ACBD5: variants seen among roughly 807,000 people sequenced by gnomAD.
ACBD5 encodes the protein acyl-CoA binding domain containing 5, also known as acyl-CoA-binding domain-containing protein 5.
In ACBD5, 40 loss-of-function variants were observed where a neutral mutation model predicts 71.8. The ratio of observed to expected loss-of-function variants is 0.56; its 90% CI spans 0.43 to 0.72. The LOEUF (loss-of-function observed/expected upper bound fraction) is 0.72. Ranked by LOEUF, ACBD5 falls within the 30% of genes least tolerant of loss-of-function variation. The pLI is 0.00. For synonymous variants in ACBD5, 229 were observed against 218.6 expected (o/e 1.05, Z -0.42); for missense variants, 559 against 644.5 (o/e 0.87, Z 1.44).
At chr10:27,218,399 C>T (rs1178475375) in intron 6 of ACBD5, among the ~76,000 whole-genome samples, 2 of 152,144 alleles carry the variant, frequency 1.3e-5, no homozygotes, top group African/African-American at 4.8e-5. Context: ...GTTTCAGTTC[C>T]CTGTCAATCT....
At chr10:27,187,423 T>C (rs1408233526) in intron 13 of ACBD5, among the ~76,000 whole-genome samples, 1 of 152,242 alleles carries the variant, frequency 6.6e-6, no homozygotes, top group Non-Finnish European at 1.5e-5. Flanking sequence ...CCTTAATTTC[T>C]ATTGGTGCGT....
At position 27,205,183 on chromosome 10, in the gene ACBD5, T is replaced by TA; in HGVS notation, c.1455+14dup. ...ATGAAACCCTGGCATTTAAATTTTT[T>TA]AAAAAATGTCTTACCTGTGAGGTGG... On this transcript the variant is annotated intron_variant, in intron 11 of 12. Coordinates refer to ENST00000396271, the MANE Select transcript of ACBD5 (RefSeq NM_145698.5). The TA allele has an allele frequency of 1.9e-6, 3 of 1,610,390 alleles. No homozygotes were observed. Among genetic ancestry groups the TA allele is most frequent in the Middle Eastern group, 3.6e-4 (2 of 5,586 alleles).
At chr10:27,228,802 TATATA>T (rs1335951489) in intron 4 of ACBD5, among the ~76,000 whole-genome samples, 7 of 4,466 alleles carry the variant, frequency 1.6e-3, no homozygotes, top group Admixed American at 4.3e-3. Flanking sequence ...TATATATATA[TATATA>T]TATATATATT....
chr10:27,189,105 C>T (rs1365703949), intron 13 of ACBD5, among the ~76,000 whole-genome samples: 1 of 152,212 alleles, frequency 6.6e-6, no homozygotes, highest in Non-Finnish European at 1.5e-5. Context: ...GAGGAATTGG[C>T]AAAGAAACCT....
upstream of ACBD5, among the ~76,000 whole-genome samples, chr10:27,241,436 C>A (rs1564751094): frequency 6.6e-6 from 1 of 152,166 alleles, no homozygotes; most frequent in African/African-American, 2.4e-5. Flanking sequence ...GAGCCAAGAA[C>A]GTCCGAGGAG....
downstream of ACBD5, chr10:27,193,450 T>C (rs987023912): frequency 6.6e-6 from 1 of 151,358 alleles, no homozygotes; most frequent in Non-Finnish European, 1.5e-5. Context: ...AAAAAAGAAC[T>C]GATAAGAACT....
chr10:27,208,143 A>G, intron 10 of ACBD5, 103 bp downstream of exon 10: 1 of 1,239,732 alleles, frequency 8.1e-7, no homozygotes, highest in Non-Finnish European at 1.2e-6. Flanking sequence ...TTCTAAAAAA[A>G]TCAGTAAAAT....
intron 10 of ACBD5, among the ~76,000 whole-genome samples, chr10:27,206,442 C>CT (rs2136891891): frequency 6.6e-6 from 1 of 152,132 alleles, no homozygotes; most frequent in South Asian, 2.1e-4. Context: ...CATGGCAAAA[C>CT]TCTGTTTCTA....
chr10:27,192,838 CGG>C (rs1564523752), downstream of ACBD5, among the ~76,000 whole-genome samples: 1 of 151,562 alleles, frequency 6.6e-6, no homozygotes, highest in East Asian at 2.0e-4. Context: ...GGCGTGGTGG[CGG>C]GCGCCTGTAA....
rs1266767518 is a variant in ACBD5 at position 27,208,508 on chromosome 10, TA to T, written c.1205-64del. The T allele has an allele frequency of 1.8e-5, 29 of 1,569,258 alleles. No homozygotes were observed. The East Asian group carries it at 6.3e-4, about 34-fold the overall frequency. ...TTCTTATACAAGTAAAACTGTGTTT[TA>T]TTCATTTTCCTCTGTTATTTCTTTG... On this transcript the variant is annotated intron_variant, in intron 9 of 12. Coordinates refer to ENST00000396271, the MANE Select transcript of ACBD5 (RefSeq NM_145698.5).
intron 4 of ACBD5, among the ~76,000 whole-genome samples, chr10:27,228,271 C>CAAAAAAAAA (rs201431372): frequency 7.1e-6 from 1 of 140,544 alleles, no homozygotes; most frequent in African/African-American, 2.6e-5. Flanking sequence ...TAAATTTGTA[C>CAAAAAAAAA]AAAAAAAAAA....
chr10:27,233,359 G>A (rs1283989450), intron 3 of ACBD5, among the ~76,000 whole-genome samples: 2 of 151,400 alleles, frequency 1.3e-5, no homozygotes, highest in Non-Finnish European at 2.9e-5. Context: ...CTTGGGAGGC[G>A]GAGATTCAGT....
chr10:27,219,562 T>G (rs184906350), intron 6 of ACBD5, among the ~76,000 whole-genome samples, 161 bp downstream of exon 6: 98 of 152,350 alleles, frequency 6.4e-4, no homozygotes, highest in African/African-American at 2.2e-3. Context: ...TCCTATACTA[T>G]GTAGTAGAGC....
At chr10:27,213,625 C>T (rs1170063713) in intron 8 of ACBD5, among the ~76,000 whole-genome samples, 3 of 151,962 alleles carry the variant, frequency 2.0e-5, no homozygotes, top group Non-Finnish European at 2.9e-5. Flanking sequence ...GGCATGGTGG[C>T]GCATGTCTGT....
intron 8 of ACBD5, among the ~76,000 whole-genome samples, chr10:27,212,806 C>A (rs1379876122): frequency 6.6e-6 from 1 of 152,156 alleles, no homozygotes; most frequent in Admixed American, 6.6e-5. Context: ...GCCTCGGCCT[C>A]CCACAGTGTT....
chr10:27,240,705 A>AG lies in ACBD5; in HGVS notation c.-18dup, dbSNP rs2065390134. 1.3e-6 allele frequency: 2 copies of AG among 1,550,390 alleles called. No individual in the cohort carries two copies. The highest frequency in any genetic ancestry group is 1.7e-6 in the Non-Finnish European group (2 of 1,146,928). ...GAAGAGCATGTCTAGCAGAAGACAG[A>AG]GGGGGTCCGGGCATCGGTGGCCGCG... On this transcript the variant is annotated 5_prime_UTR_variant, in exon 1 of 13. An upstream open reading frame in the 5' UTR loses its in-frame stop. Coordinates refer to ENST00000396271, the MANE Select transcript of ACBD5 (RefSeq NM_145698.5). The surrounding 1 kb of genome is among the most constrained non-coding windows in gnomAD (Gnocchi z 4.1).
chr10:27,226,937 G>T (rs1470582278), intron 4 of ACBD5, among the ~76,000 whole-genome samples: 3 of 149,768 alleles, frequency 2.0e-5, no homozygotes, highest in African/African-American at 7.4e-5. Context: ...TACTAGCTGG[G>T]ATTACTAGTG....
At chr10:27,236,486 TAA>T (rs1238326600) in intron 2 of ACBD5, among the ~76,000 whole-genome samples, 1 of 152,188 alleles carries the variant, frequency 6.6e-6, no homozygotes, top group East Asian at 1.9e-4. Flanking sequence ...TATGTGTTTT[TAA>T]AAAAGTTTTA....
In ACBD5 at chr10:27,197,463, C is replaced by T; in HGVS notation, c.1566-21G>A. On this transcript the variant is annotated intron_variant, in intron 12 of 12. Transcript: ENST00000396271. ...GTTTTCTTTAAAAAGAAAATAAAAACCAATTTCCTGTGAGTATGAATGCAA... is the reference window on the plus strand; with the variant it reads ...GTTTTCTTTAAAAAGAAAATAAAAATCAATTTCCTGTGAGTATGAATGCAA... The T allele has an allele frequency of 1.9e-6, 3 of 1,588,418 alleles. No individual in the cohort carries two copies. The African/African-American group carries it at 4.0e-5, about 21-fold the overall frequency.
Sources: gnomAD v4.1 joint callset for allele counts (sites outside exome capture counted in the v4.1 genomes callset) on GRCh38, gnomAD v4.1.1 for gene constraint, Gnocchi (gnomAD v3.1) non-coding constraint, MANE v1.5 for transcripts, NCBI Gene and HGNC (gene_info 2026-07-23, HGNC 2026-07-21) for gene names.